Variants in NCOA1 observed in about 807,000 individuals in gnomAD.
NCOA1 encodes nuclear receptor coactivator 1, also known as Hin-2 protein.
A neutral mutation model predicts 150.9 loss-of-function variants in NCOA1; 35 were observed. The observed-to-expected ratio is 0.23, with a 90% confidence interval of 0.18 to 0.31. The LOEUF is 0.31. Among genes scored for constraint, NCOA1 ranks in the 10% least tolerant of loss-of-function variants. NCOA1 has a pLI of 1.00. For synonymous variants in NCOA1, 590 were observed against 630.0 expected (o/e 0.94, Z 0.95); for missense variants, 1,491 against 1,749.3 (o/e 0.85, Z 2.63).
chr2:24,596,501 C>CA (rs1388653951), intron 3 of NCOA1, among the ~76,000 whole-genome samples: 3 of 151,396 alleles, frequency 2.0e-5, no homozygotes, highest in Admixed American at 6.6e-5. Context: ...GACCAAAGCC[C>CA]AAAAAAAATC....
intron 17 of NCOA1, among the ~76,000 whole-genome samples, chr2:24,736,466 C>T (rs370494555): frequency 2.0e-5 from 3 of 152,126 alleles, no homozygotes; most frequent in Admixed American, 6.5e-5. Flanking sequence ...ATGTACGTAT[C>T]TGACATTATA....
intron 1 of NCOA1, among the ~76,000 whole-genome samples, chr2:24,519,440 G>A (rs1023766736): frequency 6.6e-6 from 1 of 151,992 alleles, no homozygotes; most frequent in Admixed American, 6.6e-5. Context: ...CTATGGTGAT[G>A]GTTACATGTA....
At chr2:24,600,585 A>G (rs1668071710) in intron 3 of NCOA1, among the ~76,000 whole-genome samples, 1 of 152,126 alleles carries the variant, frequency 6.6e-6, no homozygotes, top group South Asian at 2.1e-4. Context: ...CTTTGCTTTC[A>G]TTATTTGCAC....
chr2:24,563,224 C>T (rs1666357370), intron 1 of NCOA1, among the ~76,000 whole-genome samples: 1 of 152,090 alleles, frequency 6.6e-6, no homozygotes, highest in Non-Finnish European at 1.5e-5. Context: ...GCAAGGGCAG[C>T]AGTGGGAGAC....
At chr2:24,567,670 T>C (rs1034943101) in intron 2 of NCOA1, among the ~76,000 whole-genome samples, 5 of 152,222 alleles carry the variant, frequency 3.3e-5, no homozygotes, top group African/African-American at 9.6e-5. Flanking sequence ...TTCTCATCAA[T>C]TGAAATTGCT....
intron 11 of NCOA1, among the ~76,000 whole-genome samples, chr2:24,703,824 AAAATGTAATCAAAGCCCCTTTG>A (rs1673284995): frequency 1.3e-5 from 2 of 152,202 alleles, no homozygotes; most frequent in African/African-American, 4.8e-5. Flanking sequence ...CATGGCCTTT[AAAATGTAATCAAAGCCCCTTTG>A]AAATGTCTTT....
intron 1 of NCOA1, among the ~76,000 whole-genome samples, chr2:24,539,421 G>A (rs1234685332): frequency 2.6e-5 from 4 of 152,200 alleles, no homozygotes; most frequent in East Asian, 1.9e-4. Flanking sequence ...GAATACTTAG[G>A]TGTGGCTGCT....
chr2:24,528,764 T>C (rs1279950254), intron 1 of NCOA1, among the ~76,000 whole-genome samples: 2 of 152,258 alleles, frequency 1.3e-5, no homozygotes, highest in Non-Finnish European at 1.5e-5. Context: ...AATGTACTTA[T>C]CACCTTAATT....
chr2:24,591,271 T>C (rs1040915091), intron 3 of NCOA1, among the ~76,000 whole-genome samples: 2 of 152,138 alleles, frequency 1.3e-5, no homozygotes, highest in Non-Finnish European at 2.9e-5. Context: ...TAAAACATAA[T>C]AATAATGTCA....
intron 1 of NCOA1, among the ~76,000 whole-genome samples, chr2:24,539,648 CT>C (rs1665308415): frequency 6.6e-6 from 1 of 152,110 alleles, no homozygotes; most frequent in Admixed American, 6.5e-5. Context: ...CCTTCACTAC[CT>C]TTTTGTATTC....
At chr2:24,654,728 A>T (rs1014044906) in intron 4 of NCOA1, among the ~76,000 whole-genome samples, 17 of 152,078 alleles carry the variant, frequency 1.1e-4, no homozygotes, top group Non-Finnish European at 2.4e-4. Context: ...GCCTCCTATT[A>T]TCTCTCTGAA....
At chr2:24,557,173 T>TG (rs11440834) in intron 1 of NCOA1, among the ~76,000 whole-genome samples, 122,969 of 150,962 alleles carry the variant, frequency 0.81, 51,732 homozygotes, top group East Asian at 0.99. Flanking sequence ...AACGGTGGGT[T>TG]GGGGCGGGAA....
At position 24,643,269 on chromosome 2, in the gene NCOA1, C is replaced by G. The variant is rs542480574; in HGVS notation, c.-174-697C>G. 1.4e-4 allele frequency among the ~76,000 whole-genome samples: 21 copies of G among 152,254 alleles called. No individual in the cohort carries two copies. The South Asian group carries it at 3.5e-3, about 26-fold the overall frequency. On this transcript the variant is annotated intron_variant, in intron 3 of 22. Coordinates refer to ENST00000348332, the MANE Select transcript of NCOA1 (RefSeq NM_003743.5). ...GCCTCTCTGCACTTAAGTGGGAGTA[C>G]TGGGAAGAGTTCCGAGTTCCCTTCC...
Position 24,491,501 on chromosome 2 carries a change from C to CGGCGGCGGCGCCG in NCOA1, c.-493_-492insGCGGCGCCGGGCG, listed in dbSNP as rs1553417989. ...TCCGGAGGAGGGGGCCGGAGAGCCG[C>CGGCGGCGGCGCCG]GGCGCCGGGCCCGAGGAGCGGCGGA... On this transcript the variant is annotated 5_prime_UTR_variant, in exon 1 of 23. Transcript: ENST00000348332. Among the ~76,000 whole-genome samples the CGGCGGCGGCGCCG allele has an allele frequency of 7.1e-6, 1 of 139,872 alleles. No individual in the cohort carries two copies. Among genetic ancestry groups the CGGCGGCGGCGCCG allele is most frequent in the Non-Finnish European group, 1.6e-5 (1 of 64,076 alleles). The allele number at this position is 139,872 out of a possible 152,430, so 91.8% of individuals were successfully genotyped here. A position where few individuals can be genotyped will look rare whatever the true frequency, so the allele number is the denominator to read the frequency against.
chr2:24,514,711 G>A (rs1042823278), intron 1 of NCOA1, among the ~76,000 whole-genome samples: 1 of 151,936 alleles, frequency 6.6e-6, no homozygotes. Flanking sequence ...TTGGGAGGTC[G>A]AGACTGCAGT....
intron 4 of NCOA1, among the ~76,000 whole-genome samples, chr2:24,647,011 T>G (rs181333810): frequency 1.1e-3 from 174 of 152,292 alleles, no homozygotes; most frequent in Non-Finnish European, 1.8e-3. Flanking sequence ...TAACGTATGA[T>G]AGAAGGTAAG....
intron 22 of NCOA1, among the ~76,000 whole-genome samples, chr2:24,764,269 G>A (rs1558349769): frequency 6.6e-6 from 1 of 152,182 alleles, no homozygotes; most frequent in Non-Finnish European, 1.5e-5. Context: ...AGTCCACACT[G>A]TTCCTGCCAT....
chr2:24,661,880 A>G (rs1671199892), intron 5 of NCOA1, among the ~76,000 whole-genome samples: 1 of 152,168 alleles, frequency 6.6e-6, no homozygotes, highest in African/African-American at 2.4e-5. Context: ...TTATCTGTAG[A>G]TGCTCTGATG....
intron 1 of NCOA1, among the ~76,000 whole-genome samples, chr2:24,534,023 G>C (rs1315416474): frequency 6.6e-6 from 1 of 152,208 alleles, no homozygotes; most frequent in Non-Finnish European, 1.5e-5. Context: ...AATGATACCA[G>C]CTCCTCTTTG....
Sources: gnomAD v4.1 joint callset for allele counts (sites outside exome capture counted in the v4.1 genomes callset) on GRCh38, gnomAD v4.1.1 for gene constraint, MANE v1.5 for transcripts, NCBI Gene and HGNC (gene_info 2026-07-23, HGNC 2026-07-21) for gene names.